SESN2: variants seen among roughly 807,000 people sequenced by gnomAD.
The protein encoded by SESN2 is sestrin-2.
SESN2 carries 42 observed loss-of-function variants against 56.0 expected under a neutral mutation model. The observed-to-expected ratio is 0.75, with a 90% confidence interval of 0.59 to 0.97. The LOEUF is 0.97. Among genes scored for constraint, SESN2 ranks in the 50% least tolerant of loss-of-function variants. SESN2 has a pLI of 0.00. For missense variants in SESN2, 507 were observed against 649.4 expected (o/e 0.78, Z 2.38); for synonymous variants, 264 against 267.1 (o/e 0.99, Z 0.11).
At chr1:28,262,151 T>C (rs530889449) in intron 1 of SESN2, among the ~76,000 whole-genome samples, 13 of 152,150 alleles carry the variant, frequency 8.5e-5, no homozygotes, top group Non-Finnish European at 1.9e-4. Context: ...CTTTGAGTGG[T>C]GGCATCCTTA....
intron 3 of SESN2, 35 bp from the exon 4 acceptor site, chr1:28,272,249 G>A (rs745545739): frequency 1.2e-5 from 20 of 1,605,846 alleles, no homozygotes; most frequent in South Asian, 3.3e-5. Context: ...ACAAAAGGAG[G>A]AGGGTGACTC....
intron 1 of SESN2, among the ~76,000 whole-genome samples, chr1:28,265,495 G>A (rs1647525135): frequency 1.3e-5 from 2 of 152,268 alleles, no homozygotes; most frequent in East Asian, 3.9e-4. Flanking sequence ...CTGGGTTCAA[G>A]CAATTCTCCT....
In SESN2 at chr1:28,273,379, G is replaced by T; in HGVS notation, c.772G>T (p.Val258Leu). The change falls in exon 6 of 10, where the codon GTG (valine) becomes TTG (leucine). Residue 258 changes from valine to leucine, a missense_variant. Coordinates refer to ENST00000253063, the MANE Select transcript of SESN2 (RefSeq NM_031459.5). ...GCAGGGCTTTGAGTCTGCCCGCGAC[G>T]TGGAGGCGCTGATGGAGCGCATGCA... ...NSGGFESARD[V>L]EALMERMQQL... 1.9e-6 allele frequency: 3 copies of T among 1,604,526 alleles called. No individual in the cohort carries two copies. Among genetic ancestry groups the T allele is most frequent in the Non-Finnish European group, 2.6e-6 (3 of 1,175,744 alleles).
chr1:28,271,585 C>T, intron 2 of SESN2, 89 bp from the exon 3 acceptor site: 1 of 981,066 alleles, frequency 1.0e-6, no homozygotes, highest in African/African-American at 1.6e-5. Context: ...TAGTTTCTTG[C>T]CATTAAAAAC....
intron 1 of SESN2, among the ~76,000 whole-genome samples, chr1:28,265,446 T>C (rs1647523488): frequency 6.6e-6 from 1 of 152,110 alleles, no homozygotes; most frequent in African/African-American, 2.4e-5. Context: ...CAGGCTGGAG[T>C]GCAATGGTGC....
intron 1 of SESN2, 78 bp from the exon 2 acceptor site, chr1:28,269,105 G>A (rs1572093744): frequency 9.5e-7 from 1 of 1,047,314 alleles, no homozygotes. Flanking sequence ...CCCTTGGATA[G>A]GAGGAAGAGG....
In SESN2 at chr1:28,280,827, T is replaced by C; in HGVS notation, c.*25T>C. 6.4e-7 allele frequency: 1 copy of C among 1,574,698 alleles called. No homozygotes were observed. Among genetic ancestry groups the C allele is most frequent in the Non-Finnish European group, 8.7e-7 (1 of 1,145,636 alleles). On this transcript the variant is annotated 3_prime_UTR_variant, in exon 10 of 10. Transcript: ENST00000253063. ...ACTCCTGAGCAGGACCTGGGCCCGG[T>C]TCAGCTCCCCACAAGGACTTCTCTG...
chr1:28,271,884 G>C lies in SESN2; in HGVS notation c.354+13G>C. On this transcript the variant is annotated intron_variant, in intron 3 of 9. Coordinates refer to ENST00000253063, the MANE Select transcript of SESN2 (RefSeq NM_031459.5). ...CATTGCCATCATGGTGAGCCTCTCT[G>C]GGCCTGACACTTGGAGAGGTGGCTT... is the stretch of plus-strand genomic sequence containing the variant. 6.2e-7 allele frequency: 1 copy of C among 1,613,462 alleles called. No individual in the cohort carries two copies. The highest frequency in any genetic ancestry group is 8.5e-7 in the Non-Finnish European group (1 of 1,179,506).
At chr1:28,262,528 G>C (rs1647410283) in intron 1 of SESN2, among the ~76,000 whole-genome samples, 1 of 150,264 alleles carries the variant, frequency 6.7e-6, no homozygotes, top group Non-Finnish European at 1.5e-5. Flanking sequence ...AGGCTGAGGT[G>C]GGAGGATTGC....
rs1288381612 is a variant in SESN2, at chr1:28,272,775, C to A, written c.732C>A (p.Asp244Glu). Reference protein sequence around the residue: ...PSEQSSPPSRDPLNNSGGFES... With the variant: ...PSEQSSPPSREPLNNSGGFES... ...AACAGAGCAGCCCCCCAAGCAGGGACCCGTTGAACAACTCTGGGGTAAGTC... is the reference window on the plus strand; with the variant it reads ...AACAGAGCAGCCCCCCAAGCAGGGAACCGTTGAACAACTCTGGGGTAAGTC... Residue 244 changes from aspartate to glutamate, a missense_variant, in exon 5 of 10, where the codon GAC (aspartate) becomes GAA (glutamate). By Grantham distance (45) the Asp-to-Glu change is conservative. Coordinates refer to ENST00000253063, the MANE Select transcript of SESN2 (RefSeq NM_031459.5). 1 of 1,598,876 alleles carries A rather than the reference C, an allele frequency of 6.3e-7. No individual in the cohort carries two copies. The highest frequency in any genetic ancestry group is 8.6e-7 in the Non-Finnish European group (1 of 1,169,446).
Position 28,272,321 on chromosome 1 carries a change from C to T in SESN2, c.392C>T (p.Ser131Phe), listed in dbSNP as rs986992433. ...ARHQCSYLVG[S>F]HMAEFLQTGG... is the part of the protein sequence containing the mutation. ...CATCAGTGTTCTTACCTGGTAGGCT[C>T]CCACATGGCCGAGTTTCTGCAGACT... Residue 131 changes from serine to phenylalanine, a missense_variant, in exon 4 of 10, where the codon TCC (serine) becomes TTC (phenylalanine). Coordinates refer to ENST00000253063, the MANE Select transcript of SESN2 (RefSeq NM_031459.5). The T allele has an allele frequency of 6.2e-7, 1 of 1,613,940 alleles. No individual in the cohort carries two copies. Among genetic ancestry groups the T allele is most frequent in the African/African-American group, 1.3e-5 (1 of 74,910 alleles).
At chr1:28,280,373 A>G (rs374950768) in intron 9 of SESN2, among the ~76,000 whole-genome samples, 3 of 152,254 alleles carry the variant, frequency 2.0e-5, no homozygotes, top group African/African-American at 7.2e-5. Context: ...TGCCCAGCTA[A>G]CTTTTTGTAT....
At chr1:28,260,156 C>T (rs1647320955) in intron 1 of SESN2, among the ~76,000 whole-genome samples, 1 of 149,350 alleles carries the variant, frequency 6.7e-6, no homozygotes, top group East Asian at 2.0e-4. Context: ...TCTCCCCCTC[C>T]TCCCTCCCTC....
intron 9 of SESN2, among the ~76,000 whole-genome samples, chr1:28,279,569 T>G (rs887416742): frequency 6.6e-6 from 1 of 151,802 alleles, no homozygotes; most frequent in Non-Finnish European, 1.5e-5. Flanking sequence ...TTTTTTGAGA[T>G]GAGTCTCCCT....
intron 1 of SESN2, 100 bp downstream of exon 1, chr1:28,260,037 A>C (rs1647313947): frequency 1.1e-6 from 1 of 889,130 alleles, no homozygotes; most frequent in Non-Finnish European, 1.6e-6. Context: ...GGGCTCGGGG[A>C]GGGAAAGCCG....
chr1:28,260,064 C>A (rs977485159), intron 1 of SESN2, 127 bp downstream of exon 1: 2 of 661,304 alleles, frequency 3.0e-6, no homozygotes, highest in African/African-American at 1.9e-5. Flanking sequence ...TAACCCGGGA[C>A]CCGGGTTGCA....
At chr1:28,275,338 A>G (rs1367421754) in intron 8 of SESN2, among the ~76,000 whole-genome samples, 1 of 152,092 alleles carries the variant, frequency 6.6e-6, no homozygotes, top group Non-Finnish European at 1.5e-5. Context: ...ATGTAGAGAG[A>G]GTTATGTTTG....
In SESN2 at chr1:28,259,910, C is replaced by T. The variant is rs1341475927; in HGVS notation, c.63C>T (p.Gly21=). Residue 21 remains glycine (G), a synonymous_variant, in exon 1 of 10, where the codon GGC becomes GGT. Coordinates refer to ENST00000253063, the MANE Select transcript of SESN2 (RefSeq NM_031459.5). ...AGGACTACCTGCGGTTCGCCCCGGG[C>T]GGCGTCGGCGACTCGGGCCCCGGAG... The part of the protein sequence containing the change: ...ELKDYLRFAP[G]GVGDSGPGEE... The T allele has an allele frequency of 1.4e-6, 2 of 1,474,796 alleles. No homozygotes were observed. Among genetic ancestry groups the T allele is most frequent in the African/African-American group, 1.5e-5 (1 of 67,856 alleles). The allele number at this position is 1,474,796 out of a possible 1,614,324, so 91.4% of individuals were successfully genotyped here.
Position 28,280,877 on chromosome 1 carries a change from T to C in SESN2, c.*75T>C. 1 of 1,153,626 alleles carries C rather than the reference T, an allele frequency of 8.7e-7. No individual in the cohort carries two copies. The highest frequency in any genetic ancestry group is 1.3e-6 in the Non-Finnish European group (1 of 771,376). 71.5% of individuals were successfully genotyped at this position (1,153,626 alleles called of 1,614,324 possible). On this transcript the variant is annotated 3_prime_UTR_variant, in exon 10 of 10. Transcript: ENST00000253063. ...GTCTGGAGACAGCCCCAGACCCTTT[T>C]GTGTCCCATGCCCACCCTCCCCACG...
Sources: gnomAD v4.1 joint callset for allele counts (sites outside exome capture counted in the v4.1 genomes callset) on GRCh38, gnomAD v4.1.1 for gene constraint, MANE v1.5 for transcripts, NCBI Gene and HGNC (gene_info 2026-07-23, HGNC 2026-07-21) for gene names.